TTC17: variants seen among roughly 807,000 people sequenced by gnomAD.
The protein encoded by TTC17 is tetratricopeptide repeat protein 17.
A neutral mutation model predicts 143.8 loss-of-function variants in TTC17; 58 were observed. That is an observed-to-expected ratio of 0.40 (90% CI 0.33 to 0.50). TTC17 has a LOEUF of 0.50. TTC17 is among the 20% of genes least tolerant of loss of function. TTC17 has a pLI of 0.49. For synonymous variants in TTC17, 501 were observed against 497.8 expected (o/e 1.01, Z -0.09); for missense variants, 1,273 against 1,392.5 (o/e 0.91, Z 1.37).
At chr11:43,438,792 T>C (rs565447049) in intron 16 of TTC17, among the ~76,000 whole-genome samples, 27 of 152,328 alleles carry the variant, frequency 1.8e-4, no homozygotes, top group Middle Eastern at 6.8e-3. Context: ...TCTTCCAAGA[T>C]TGTTAATGTT....
rs891162534 is a variant in TTC17, at chr11:43,404,017, C to T, written c.1352C>T (p.Thr451Ile). The stretch of plus-strand genomic sequence containing the variant: ...TTCTAGTTTGGTGAGGATTCATCAA[C>T]CTCCAGTATGATGTCTGTGAACTTT... ...DYVQFGEDSSTSSMMSVNFDV... is the reference protein window; with the variant it reads ...DYVQFGEDSSISSMMSVNFDV... The change falls in exon 11 of 24, where the codon ACC (threonine) becomes ATC (isoleucine). Residue 451 changes from threonine to isoleucine, a missense_variant. Coordinates refer to ENST00000039989, the MANE Select transcript of TTC17 (RefSeq NM_018259.6). 3.7e-6 allele frequency: 6 copies of T among 1,607,766 alleles called. No homozygotes were observed. The highest frequency in any genetic ancestry group is 5.1e-6 in the Non-Finnish European group (6 of 1,177,506).
intron 21 of TTC17, among the ~76,000 whole-genome samples, chr11:43,484,584 A>G (rs982049433): frequency 5.3e-5 from 8 of 152,188 alleles, no homozygotes; most frequent in African/African-American, 1.2e-4. Context: ...GGGTTTTTTT[A>G]TGGCACTTGA....
chr11:43,469,509 G>C (rs2134825733), intron 21 of TTC17, among the ~76,000 whole-genome samples: 1 of 152,336 alleles, frequency 6.6e-6, no homozygotes, highest in Non-Finnish European at 1.5e-5. Context: ...GGTCTATTGA[G>C]ATGGTGGATA....
At chr11:43,412,281 C>T (rs552116988) in intron 15 of TTC17, among the ~76,000 whole-genome samples, 18 of 152,092 alleles carry the variant, frequency 1.2e-4, no homozygotes, top group African/African-American at 4.1e-4. Flanking sequence ...CCTAGGAGCT[C>T]AGTACCAGCC....
intron 21 of TTC17, among the ~76,000 whole-genome samples, chr11:43,481,955 T>C (rs761012213): frequency 1.3e-5 from 2 of 151,898 alleles, no homozygotes; most frequent in Non-Finnish European, 2.9e-5. Flanking sequence ...GGTTACAGGC[T>C]TGCACCACCA....
At chr11:43,392,241 TGTAA>T (rs1857418869) in intron 5 of TTC17, among the ~76,000 whole-genome samples, 1 of 152,210 alleles carries the variant, frequency 6.6e-6, no homozygotes, top group Admixed American at 6.5e-5. Flanking sequence ...ATATACATTG[TGTAA>T]GTAAGAAAGT....
chr11:43,388,523 T>G (rs1477664845), intron 2 of TTC17, among the ~76,000 whole-genome samples: 2 of 150,698 alleles, frequency 1.3e-5, no homozygotes, highest in African/African-American at 4.9e-5. Flanking sequence ...TACCTTGAAC[T>G]CCCTTTTTTT....
In TTC17 at chr11:43,493,934, C is replaced by G. The variant is rs764162972; in HGVS notation, c.*30C>G. The G allele has an allele frequency of 6.5e-7, 1 of 1,535,538 alleles. No individual in the cohort carries two copies. Among genetic ancestry groups the G allele is most frequent in the Admixed American group, 2.2e-5 (1 of 46,356 alleles). On this transcript the variant is annotated 3_prime_UTR_variant, in exon 24 of 24. Transcript: ENST00000039989. Reference sequence around the variant, plus strand: ...CTTCTTCCTTCTCTCTTTCTCTTTACTCATGCTCTAAAAAAAAAGAATAAG... The same window carrying G: ...CTTCTTCCTTCTCTCTTTCTCTTTAGTCATGCTCTAAAAAAAAAGAATAAG...
At chr11:43,415,361 G>T (rs1039113883) in intron 16 of TTC17, among the ~76,000 whole-genome samples, 1 of 152,016 alleles carries the variant, frequency 6.6e-6, no homozygotes, top group Non-Finnish European at 1.5e-5. Context: ...TTGCACTTTC[G>T]TTATTAGAAC....
intron 16 of TTC17, among the ~76,000 whole-genome samples, chr11:43,415,128 A>G (rs762086053): frequency 1.3e-5 from 2 of 152,202 alleles, no homozygotes; most frequent in African/African-American, 2.4e-5. Context: ...AAGTCAAAGT[A>G]TACAGTTTTA....
At chr11:43,370,082 T>G (rs927286915) in intron 1 of TTC17, 1 of 455,610 alleles carries the variant, frequency 2.2e-6, no homozygotes, top group Non-Finnish European at 4.4e-6. Context: ...TTGACAGTTA[T>G]AGCCAGGAGC....
At chr11:43,424,102 T>TC (rs1363808833) in intron 16 of TTC17, among the ~76,000 whole-genome samples, 6 of 151,512 alleles carry the variant, frequency 4.0e-5, no homozygotes, top group Non-Finnish European at 7.4e-5. Flanking sequence ...TTTTTTTTTT[T>TC]CCTGAGGCGG....
rs1166817266 is a variant in TTC17 at position 43,396,717 on chromosome 11, C to T, written c.672C>T (p.Ser224=). Residue 224 remains serine, a synonymous_variant, in exon 6 of 24, where the codon TCC becomes TCT. Transcript: ENST00000039989. ...LIHEGLQKNT[S]SWVLYNMASF... is the part of the protein sequence containing the mutation. ...ACTTTTTTAATCTCTAGAACACTTC[C>T]TCGTGGGTACTGTATAACATGGCTT... 4.4e-6 allele frequency: 7 copies of T among 1,577,440 alleles called. No individual in the cohort carries two copies. The highest frequency in any genetic ancestry group is 1.7e-4 in the Middle Eastern group (1 of 5,916).
At chr11:43,440,902 G>C (rs1286091347) in intron 16 of TTC17, among the ~76,000 whole-genome samples, 1 of 151,770 alleles carries the variant, frequency 6.6e-6, no homozygotes, top group Non-Finnish European at 1.5e-5. Context: ...GCCCTCACAT[G>C]TGCCTTTACT....
At chr11:43,420,393 T>C (rs544364508) in intron 16 of TTC17, among the ~76,000 whole-genome samples, 3 of 152,338 alleles carry the variant, frequency 2.0e-5, no homozygotes, top group African/African-American at 7.2e-5. Context: ...TCAAAAGAGA[T>C]GCATTTCTAC....
At chr11:43,482,652 T>C (rs1948309066) in intron 21 of TTC17, among the ~76,000 whole-genome samples, 1 of 152,164 alleles carries the variant, frequency 6.6e-6, no homozygotes, top group Non-Finnish European at 1.5e-5. Flanking sequence ...GAATATTGTC[T>C]TCTGCTTTTG....
intron 2 of TTC17, among the ~76,000 whole-genome samples, chr11:43,387,776 C>T (rs963486975): frequency 1.2e-4 from 18 of 152,156 alleles, no homozygotes; most frequent in African/African-American, 4.3e-4. Context: ...AGTCATGTTG[C>T]CCAAGCCTGA....
chr11:43,435,869 A>C (rs1012698018), intron 16 of TTC17, among the ~76,000 whole-genome samples: 2 of 152,250 alleles, frequency 1.3e-5, no homozygotes, highest in African/African-American at 2.4e-5. Flanking sequence ...AAAATATTTC[A>C]TGGCCATTAT....
rs1590343941 is a variant in TTC17, at chr11:43,391,537, A to G, written c.492A>G (p.Leu164=). Residue 164 remains leucine, a synonymous_variant, in exon 4 of 24, where the codon CTA becomes CTG. Transcript: ENST00000039989. ...DPEQPDCTKI[L]ELPYSIHAFQ... The stretch of plus-strand genomic sequence containing the variant: ...AGCAACCTGATTGTACTAAAATTCT[A>G]GAACTTCCATATAGTATACATGCTT... 1.2e-6 allele frequency: 2 copies of G among 1,606,772 alleles called. No individual in the cohort carries two copies. The highest frequency in any genetic ancestry group is 8.5e-7 in the Non-Finnish European group (1 of 1,178,036).
Sources: allele counts gnomAD v4.1 joint callset (sites outside exome capture counted in the v4.1 genomes callset), GRCh38; gene constraint gnomAD v4.1.1; transcripts MANE v1.5; gene names NCBI Gene and HGNC (gene_info 2026-07-23, HGNC 2026-07-21).